The following SEMA3A variants were observed in gnomAD, a reference collection of about 807,000 sequenced individuals.
SEMA3A encodes the protein semaphorin 3A, also known as semaphorin-3A.
In SEMA3A, 29 loss-of-function variants were observed where a neutral mutation model predicts 97.9. The ratio of observed to expected loss-of-function variants is 0.30; its 90% CI spans 0.22 to 0.40. The LOEUF is 0.40. Ranked by LOEUF, SEMA3A falls within the 10% of genes least tolerant of loss-of-function variation. The pLI is 1.00. For synonymous variants in SEMA3A, 321 were observed against 323.7 expected (o/e 0.99, Z 0.09); for missense variants, 763 against 951.3 (o/e 0.80, Z 2.60).
chr7:84,321,066 A>T (rs1801631278), intron 2 of SEMA3A, among the ~76,000 whole-genome samples: 1 of 152,160 alleles, frequency 6.6e-6, no homozygotes, highest in South Asian at 2.1e-4. Flanking sequence ...TTTGATAATA[A>T]CAAGTTTGAT....
chr7:84,305,915 A>C (rs1801141996), intron 3 of SEMA3A, among the ~76,000 whole-genome samples: 1 of 151,678 alleles, frequency 6.6e-6, no homozygotes, highest in African/African-American at 2.4e-5. Flanking sequence ...CATATATATT[A>C]ATTCATATAT....
intron 3 of SEMA3A, among the ~76,000 whole-genome samples, chr7:84,216,202 GTT>G (rs1798752433): frequency 6.6e-6 from 1 of 152,086 alleles, no homozygotes; most frequent in Admixed American, 6.6e-5. Context: ...TGCCTCCTGG[GTT>G]CAAGCGATTC....
intron 5 of SEMA3A, among the ~76,000 whole-genome samples, chr7:84,059,128 T>A (rs2115677231): frequency 6.6e-6 from 1 of 152,340 alleles, no homozygotes; most frequent in South Asian, 2.1e-4. Context: ...TCCTACCCTT[T>A]GTTTAAAACA....
intron 1 of SEMA3A, among the ~76,000 whole-genome samples, chr7:84,409,672 A>T (rs2116245436): frequency 6.6e-6 from 1 of 152,248 alleles, no homozygotes; most frequent in South Asian, 2.1e-4. Context: ...AAAAAAACTA[A>T]TTTGTGTTTG....
chr7:84,299,455 A>T (rs115661488), intron 3 of SEMA3A, among the ~76,000 whole-genome samples: 5,097 of 151,226 alleles, frequency 0.034, 98 homozygotes, highest in South Asian at 0.045. Context: ...CAGAGTAAAA[A>T]GACGGATGCA....
rs189063468 is a variant in SEMA3A at position 84,368,490 on chromosome 7, T to C, written c.-169+3334A>G. ...TAAAAATTATATCAGTAGGTCAGAATTTTGGTTTGGCTTTATAGTTTTATG... is the reference window on the plus strand; with the variant it reads ...TAAAAATTATATCAGTAGGTCAGAACTTTGGTTTGGCTTTATAGTTTTATG... On this transcript the variant is annotated intron_variant, in intron 2 of 3. Transcript: ENST00000424555. Among the ~76,000 whole-genome samples the C allele has an allele frequency of 2.6e-5, 4 of 151,182 alleles. No individual in the cohort carries two copies. The Admixed American group carries it at 2.6e-4, about 10-fold the overall frequency.
chr7:84,126,393 A>G (rs1795794966), intron 3 of SEMA3A, among the ~76,000 whole-genome samples: 3 of 152,014 alleles, frequency 2.0e-5, no homozygotes, highest in Non-Finnish European at 4.4e-5. Flanking sequence ...TTTAGTAAAG[A>G]TGGGGCTTCA....
intron 12 of SEMA3A, among the ~76,000 whole-genome samples, chr7:83,989,015 A>T (rs2116340809): frequency 6.6e-6 from 1 of 152,296 alleles, no homozygotes; most frequent in African/African-American, 2.4e-5. Flanking sequence ...TATTGGAATC[A>T]ATAACCAAAA....
intron 1 of SEMA3A, among the ~76,000 whole-genome samples, chr7:84,379,961 A>G (rs940191811): frequency 6.6e-6 from 1 of 152,294 alleles, no homozygotes; most frequent in East Asian, 1.9e-4. Context: ...AATATTAAAA[A>G]CGTAAATGAA....
intron 3 of SEMA3A, among the ~76,000 whole-genome samples, chr7:84,253,069 G>T (rs546511810): frequency 2.6e-5 from 4 of 151,882 alleles, no homozygotes; most frequent in Non-Finnish European, 5.9e-5. Context: ...GTAGAGACAG[G>T]GTTTCACCAC....
intron 12 of SEMA3A, among the ~76,000 whole-genome samples, chr7:83,992,536 T>C (rs1214965217): frequency 6.6e-6 from 1 of 152,060 alleles, no homozygotes; most frequent in East Asian, 1.9e-4. Flanking sequence ...TGTTGTTGGT[T>C]TCAAAGAACA....
chr7:84,404,805 G>A (rs561392222), intron 1 of SEMA3A, among the ~76,000 whole-genome samples: 1 of 152,148 alleles, frequency 6.6e-6, no homozygotes, highest in South Asian at 2.1e-4. Flanking sequence ...AGCTTCATAA[G>A]TGAAGGAGAA....
chr7:84,222,235 G>C (rs1056512301), intron 3 of SEMA3A, among the ~76,000 whole-genome samples: 4 of 151,834 alleles, frequency 2.6e-5, no homozygotes, highest in Non-Finnish European at 4.4e-5. Flanking sequence ...AAATTTTTAA[G>C]TTTTATATCT....
intron 6 of SEMA3A, among the ~76,000 whole-genome samples, chr7:84,023,905 G>T (rs569424364): frequency 6.6e-6 from 1 of 151,910 alleles, no homozygotes; most frequent in African/African-American, 2.4e-5. Flanking sequence ...CCAGCTACTC[G>T]GGAGGCTGAG....
chr7:84,220,311 C>T (rs1025412252), intron 3 of SEMA3A, among the ~76,000 whole-genome samples: 4 of 152,064 alleles, frequency 2.6e-5, no homozygotes, highest in East Asian at 1.9e-4. Context: ...ATTTCACCAC[C>T]CCTGCAATTA....
chr7:84,304,665 T>A (rs1028885591), intron 3 of SEMA3A, among the ~76,000 whole-genome samples: 2 of 152,068 alleles, frequency 1.3e-5, no homozygotes, highest in African/African-American at 2.4e-5. Flanking sequence ...TTTCTCAAAG[T>A]CAAATATAGT....
intron 1 of SEMA3A, among the ~76,000 whole-genome samples, chr7:84,376,530 G>A (rs1412773971): frequency 1.7e-5 from 2 of 116,302 alleles, no homozygotes; most frequent in South Asian, 3.0e-4. Context: ...CGTGAACCCG[G>A]GAGGCGGAGC....
intron 3 of SEMA3A, among the ~76,000 whole-genome samples, chr7:84,207,760 G>C (rs1157414644): frequency 1.3e-5 from 2 of 152,154 alleles, no homozygotes; most frequent in African/African-American, 4.8e-5. Flanking sequence ...GGAAAAATGT[G>C]TCTTCCTTTT....
At chr7:84,166,398 C>T (rs1797206936) in intron 1 of SEMA3A, among the ~76,000 whole-genome samples, 1 of 151,180 alleles carries the variant, frequency 6.6e-6, no homozygotes, top group Admixed American at 6.6e-5. Flanking sequence ...ATGGTGAAAC[C>T]CCATCTCTAC....
Sources: gnomAD v4.1 joint callset for allele counts (sites outside exome capture counted in the v4.1 genomes callset) on GRCh38, gnomAD v4.1.1 for gene constraint, MANE v1.5 for transcripts, NCBI Gene and HGNC (gene_info 2026-07-23, HGNC 2026-07-21) for gene names.